GPC6: variants seen among roughly 807,000 people sequenced by gnomAD.
GPC6 encodes glypican 6, also known as glypican-6.
Under a neutral mutation model 55.2 loss-of-function variants are expected in GPC6, and 14 were observed. The observed-to-expected ratio is 0.25, with a 90% confidence interval of 0.17 to 0.40. The LOEUF (loss-of-function observed/expected upper bound fraction) is 0.40, where lower values mean the gene tolerates loss of function less well. Among genes scored for constraint, GPC6 ranks in the 10% least tolerant of loss-of-function variants. The pLI is 1.00. For synonymous variants in GPC6, 278 were observed against 259.6 expected, an observed-to-expected ratio of 1.07 and a Z score of -0.68; for missense variants, 641 against 708.5, an observed-to-expected ratio of 0.90 and a Z score of 1.08.
intron 2 of GPC6, among the ~76,000 whole-genome samples, chr13:93,748,915 CATAAT>C (rs1884489575): frequency 6.6e-6 from 1 of 151,998 alleles, no homozygotes; most frequent in South Asian, 2.1e-4. Context: ...ACTTATATCT[CATAAT>C]AGACTACGCT....
intron 2 of GPC6, among the ~76,000 whole-genome samples, chr13:93,625,175 A>G (rs1671230464): frequency 6.6e-6 from 1 of 152,310 alleles, no homozygotes; most frequent in Middle Eastern, 3.4e-3. Context: ...AGTTTATACA[A>G]TGAGGATGAG....
chr13:93,716,757 C>A (rs922670514), intron 2 of GPC6, among the ~76,000 whole-genome samples: 3 of 151,548 alleles, frequency 2.0e-5, no homozygotes, highest in African/African-American at 7.3e-5. Flanking sequence ...CAGTAGTGTA[C>A]AGTAATGTCC....
chr13:93,736,025 A>C (rs1307452037), intron 2 of GPC6, among the ~76,000 whole-genome samples: 1 of 152,216 alleles, frequency 6.6e-6, no homozygotes, highest in Non-Finnish European at 1.5e-5. Flanking sequence ...ATACATCCTG[A>C]AAAGGATTTT....
At chr13:93,532,592 C>T (rs1881909576) in intron 1 of GPC6, among the ~76,000 whole-genome samples, 1 of 152,162 alleles carries the variant, frequency 6.6e-6, no homozygotes, top group Non-Finnish European at 1.5e-5. Flanking sequence ...TTTCTGCTTT[C>T]TAAGACTGCT....
At chr13:94,116,570 T>TA (rs1886437111) in intron 4 of GPC6, among the ~76,000 whole-genome samples, 1 of 152,124 alleles carries the variant, frequency 6.6e-6, no homozygotes, top group African/African-American at 2.4e-5. Flanking sequence ...TTTCCTGTCA[T>TA]ATTATCCTGC....
intron 4 of GPC6, among the ~76,000 whole-genome samples, chr13:94,114,846 T>C (rs949417464): frequency 1.1e-4 from 17 of 152,130 alleles, no homozygotes; most frequent in African/African-American, 3.9e-4. Context: ...GTAATCTTCA[T>C]AATAATTCTA....
chr13:93,517,242 C>A (rs1291642356), intron 1 of GPC6, among the ~76,000 whole-genome samples: 1 of 152,018 alleles, frequency 6.6e-6, no homozygotes, highest in Admixed American at 6.6e-5. Context: ...GGAAGATGTA[C>A]TTAGGAAGAA....
chr13:93,475,165 C>CAG (rs1879257564), intron 1 of GPC6, among the ~76,000 whole-genome samples: 1 of 151,852 alleles, frequency 6.6e-6, no homozygotes, highest in African/African-American at 2.4e-5. Flanking sequence ...TAAATACACA[C>CAG]ACACACACAC....
At chr13:94,379,573 C>T (rs1487646834) in intron 6 of GPC6, among the ~76,000 whole-genome samples, 1 of 152,160 alleles carries the variant, frequency 6.6e-6, no homozygotes, top group Non-Finnish European at 1.5e-5. Flanking sequence ...GTATTGTGAC[C>T]CCAGCTAATT....
At chr13:93,247,973 C>T (rs1876659441) in intron 1 of GPC6, among the ~76,000 whole-genome samples, 1 of 152,042 alleles carries the variant, frequency 6.6e-6, no homozygotes, top group African/African-American at 2.4e-5. Flanking sequence ...ATATTTTTTC[C>T]ATTTTGTTGT....
intron 2 of GPC6, among the ~76,000 whole-genome samples, chr13:93,829,102 G>A (rs999233844): frequency 4.6e-5 from 7 of 152,118 alleles, no homozygotes; most frequent in Admixed American, 4.6e-4. Flanking sequence ...GGCAATAAAC[G>A]GGGACTATGA....
At chr13:93,896,195 ACTATGATATG>A in intron 3 of GPC6, among the ~76,000 whole-genome samples, 1 of 152,146 alleles carries the variant, frequency 6.6e-6, no homozygotes, top group East Asian at 1.9e-4. Flanking sequence ...ATAAAAATTA[ACTATGATATG>A]CTTTAAGACA....
intron 3 of GPC6, among the ~76,000 whole-genome samples, chr13:93,923,589 G>A (rs1001391864): frequency 2.0e-5 from 3 of 152,076 alleles, no homozygotes; most frequent in Non-Finnish European, 4.4e-5. Context: ...TCTCCTAGCA[G>A]ACAAATTTCC....
chr13:94,200,882 G>A, intron 4 of GPC6, among the ~76,000 whole-genome samples: 1 of 152,212 alleles, frequency 6.6e-6, no homozygotes, highest in Non-Finnish European at 1.5e-5. Flanking sequence ...TGATGTCAGA[G>A]GAGAGCGGAG....
At chr13:93,784,603 T>C (rs78693768) in intron 2 of GPC6, among the ~76,000 whole-genome samples, 6,621 of 152,274 alleles carry the variant, frequency 0.043, 184 homozygotes, top group South Asian at 0.066. Context: ...TTTCCTGTTA[T>C]CTATTTTAGA....
chr13:93,511,698 T>G (rs1204634724), intron 1 of GPC6, among the ~76,000 whole-genome samples: 2 of 152,116 alleles, frequency 1.3e-5, no homozygotes. Flanking sequence ...TTTTTCTAAT[T>G]CTATGAAGAA....
intron 2 of GPC6, among the ~76,000 whole-genome samples, chr13:93,588,129 A>G (rs1877289346): frequency 6.6e-6 from 1 of 152,218 alleles, no homozygotes; most frequent in Admixed American, 6.5e-5. Flanking sequence ...GTTTCACATT[A>G]TGGTATGGAG....
intron 1 of GPC6, among the ~76,000 whole-genome samples, chr13:93,430,577 C>A (rs1020681587): frequency 1.3e-5 from 2 of 152,060 alleles, no homozygotes; most frequent in Non-Finnish European, 2.9e-5. Context: ...GTAGAATAGA[C>A]CCACTGCATC....
chr13:93,944,500 A>G (rs1401318201), intron 3 of GPC6, among the ~76,000 whole-genome samples: 2 of 152,146 alleles, frequency 1.3e-5, no homozygotes, highest in African/African-American at 4.8e-5. Context: ...CACCACACCC[A>G]GCCCACCTTC....
Sources: allele counts gnomAD v4.1 joint callset (sites outside exome capture counted in the v4.1 genomes callset), GRCh38; gene constraint gnomAD v4.1.1; transcripts MANE v1.5; gene names NCBI Gene and HGNC (gene_info 2026-07-23, HGNC 2026-07-21).